PDZD8: variants seen among roughly 807,000 people sequenced by gnomAD.
PDZD8 encodes PDZ domain-containing protein 8.
PDZD8 carries 14 observed loss-of-function variants against 85.8 expected under a neutral mutation model. That is an observed-to-expected ratio of 0.16 (90% confidence interval 0.11 to 0.26). The LOEUF is 0.26. Among genes scored for constraint, PDZD8 ranks in the 10% least tolerant of loss-of-function variants. The pLI, the probability that PDZD8 is intolerant of heterozygous loss-of-function variation, is 1.00. For missense variants in PDZD8, 1,197 were observed against 1,424.3 expected (o/e 0.84, Z 2.57); for synonymous variants, 592 against 568.6 (o/e 1.04, Z -0.59).
At chr10:117,332,631 C>T (rs1201726970) in intron 2 of PDZD8, among the ~76,000 whole-genome samples, 2 of 150,958 alleles carry the variant, frequency 1.3e-5, no homozygotes, top group African/African-American at 2.4e-5. Flanking sequence ...CTCAGCCTCC[C>T]GAGTAACTGG....
Position 117,283,256 on chromosome 10 carries a change from T to A in PDZD8, c.*12A>T. The A allele has an allele frequency of 2.5e-6, 4 of 1,590,578 alleles. No homozygotes were observed. Among genetic ancestry groups the A allele is most frequent in the Non-Finnish European group, 3.4e-6 (4 of 1,171,480 alleles). On this transcript the variant is annotated 3_prime_UTR_variant, in exon 5 of 5. Coordinates refer to ENST00000334464, the MANE Select transcript of PDZD8 (RefSeq NM_173791.5). ...TACCCTGTTCATTTGAAAGCTTAAA[T>A]AGACCTGTCTGCTACACAGACTCGG...
At chr10:117,364,833 A>T (rs1434796681) in intron 1 of PDZD8, among the ~76,000 whole-genome samples, 1 of 152,138 alleles carries the variant, frequency 6.6e-6, no homozygotes, top group Non-Finnish European at 1.5e-5. Flanking sequence ...TCCATGTTAC[A>T]CTTCACAGAA....
intron 3 of PDZD8, among the ~76,000 whole-genome samples, chr10:117,295,116 A>G (rs1223314055): frequency 1.3e-5 from 2 of 152,150 alleles, no homozygotes; most frequent in East Asian, 3.9e-4. Context: ...ACTACAGTCC[A>G]GCCTGGGCAA....
intron 2 of PDZD8, among the ~76,000 whole-genome samples, chr10:117,340,533 T>C (rs1844593227): frequency 6.6e-6 from 1 of 152,206 alleles, no homozygotes; most frequent in African/African-American, 2.4e-5. Context: ...AATTTCCACC[T>C]GCCCATGCTG....
chr10:117,368,828 A>G (rs563801451), intron 1 of PDZD8, among the ~76,000 whole-genome samples: 1 of 151,284 alleles, frequency 6.6e-6, no homozygotes, highest in Non-Finnish European at 1.5e-5. Context: ...TGACTTTTTA[A>G]AATTCAACAT....
At chr10:117,341,233 A>G in intron 1 of PDZD8, 131 bp from the exon 2 acceptor site, 1 of 910,182 alleles carries the variant, frequency 1.1e-6, no homozygotes, top group South Asian at 1.9e-5. Flanking sequence ...ACAAAACCAA[A>G]GCTTACCACA....
intron 2 of PDZD8, among the ~76,000 whole-genome samples, chr10:117,320,263 C>A (rs1268127040): frequency 6.6e-6 from 1 of 152,028 alleles, no homozygotes; most frequent in African/African-American, 2.4e-5. Context: ...CTGCTGCCAC[C>A]ACCTGTTCAA....
At chr10:117,333,127 A>AAAAAAAC (rs1564702993) in intron 2 of PDZD8, among the ~76,000 whole-genome samples, 13 of 27,964 alleles carry the variant, frequency 4.6e-4, no homozygotes, top group Non-Finnish European at 7.2e-4. Context: ...CAAAAAAAAA[A>AAAAAAAC]AAAAAAAAAA....
intron 1 of PDZD8, among the ~76,000 whole-genome samples, chr10:117,362,057 A>G (rs1207998572): frequency 1.3e-5 from 2 of 152,162 alleles, no homozygotes; most frequent in Non-Finnish European, 2.9e-5. Flanking sequence ...TTTTAAGGTT[A>G]TAACTGTCCA....
rs368033196 is a variant in PDZD8, at chr10:117,371,950, CA to C, written c.872+2405del. ...CCGAACAAAATCCTGTCTCAACAAACAAACGAAAAACACAAAAAAATTACTA... is the reference window on the plus strand; with the variant it reads ...CCGAACAAAATCCTGTCTCAACAAACAACGAAAAACACAAAAAAATTACTA... On this transcript the variant is annotated intron_variant, in intron 1 of 4. Coordinates refer to ENST00000334464, the MANE Select transcript of PDZD8 (RefSeq NM_173791.5). Among the ~76,000 whole-genome samples the C allele has an allele frequency of 3.1e-3, 469 of 152,132 alleles. 2 individuals carry two copies. The highest frequency in any genetic ancestry group is 0.011 in the African/African-American group (465 of 41,512).
chr10:117,373,791 CA>C (rs956958351), intron 1 of PDZD8, among the ~76,000 whole-genome samples: 1 of 138,616 alleles, frequency 7.2e-6, no homozygotes, highest in African/African-American at 2.9e-5. Flanking sequence ...AAAACAAAAA[CA>C]AAAAAAACCC....
intron 3 of PDZD8, among the ~76,000 whole-genome samples, chr10:117,300,009 G>A (rs928946479): frequency 6.6e-6 from 1 of 151,966 alleles, no homozygotes; most frequent in African/African-American, 2.4e-5. Context: ...CTATTACACG[G>A]GTTTTTGTAG....
chr10:117,294,413 G>A (rs1203069328), intron 3 of PDZD8, among the ~76,000 whole-genome samples: 1 of 151,962 alleles, frequency 6.6e-6, no homozygotes, highest in African/African-American at 2.4e-5. Context: ...TGGGAAAGTA[G>A]ATTAGTTACA....
In PDZD8 at chr10:117,374,990, G is replaced by C; in HGVS notation, c.238C>G (p.Pro80Ala). The C allele has an allele frequency of 6.3e-7, 1 of 1,593,512 alleles. No homozygotes were observed. The highest frequency in any genetic ancestry group is 1.1e-5 in the South Asian group (1 of 89,468). Residue 80 changes from proline to alanine, a missense_variant, in exon 1 of 5, where the codon CCC becomes GCC. Pro to Ala is a conservative substitution (Grantham distance 27). This residue lies in a region of PDZD8 where 172 missense variants were observed against 137.8 expected (regional missense o/e 1.25). Transcript: ENST00000334464. This position sits in a 1 kb window ranked among gnomAD's most constrained non-coding sequence, Gnocchi z 7.8. The stretch of plus-strand genomic sequence containing the variant: ...GCGGGGGTCTCGGGGGCCGCGGTGG[G>C]GGTCGCGCCGCCCTCAGGGGCCGCT... ...SGAAPEGGAT[P>A]TAAPETPAPP...
At chr10:117,329,975 AGG>A (rs1844388620) in intron 2 of PDZD8, among the ~76,000 whole-genome samples, 1 of 32,622 alleles carries the variant, frequency 3.1e-5, no homozygotes, top group Non-Finnish European at 7.7e-5. Context: ...AAGGGAAGGA[AGG>A]AAGGAAGGAA....
intron 2 of PDZD8, among the ~76,000 whole-genome samples, chr10:117,320,703 AG>A (rs1844213152): frequency 6.6e-6 from 1 of 152,170 alleles, no homozygotes; most frequent in South Asian, 2.1e-4. Context: ...AAGTTAGGAA[AG>A]TTTTAAAGTA....
At chr10:117,364,436 T>C (rs1217939981) in intron 1 of PDZD8, among the ~76,000 whole-genome samples, 3 of 151,924 alleles carry the variant, frequency 2.0e-5, no homozygotes. Context: ...ACTGTACATT[T>C]AGGAGTGGGA....
At chr10:117,364,979 T>C (rs1845062710) in intron 1 of PDZD8, among the ~76,000 whole-genome samples, 1 of 152,020 alleles carries the variant, frequency 6.6e-6, no homozygotes, top group African/African-American at 2.4e-5. Flanking sequence ...CTCCTCAATA[T>C]ATATAAGAGG....
chr10:117,373,521 G>A (rs1266470478), intron 1 of PDZD8, among the ~76,000 whole-genome samples: 1 of 150,858 alleles, frequency 6.6e-6, no homozygotes, highest in East Asian at 2.0e-4. Context: ...ACTTTGGGAG[G>A]CCGAGGCAGG....
Sources: allele counts gnomAD v4.1 joint callset (sites outside exome capture counted in the v4.1 genomes callset), GRCh38; gene constraint gnomAD v4.1.1; regional missense constraint gnomAD v4.1.1; non-coding constraint Gnocchi (gnomAD v3.1); transcripts MANE v1.5; gene names NCBI Gene and HGNC (gene_info 2026-07-23, HGNC 2026-07-21).